The following MDN1 variants were observed in gnomAD, a reference collection of about 807,000 sequenced individuals.
MDN1 encodes midasin AAA ATPase 1.
MDN1 carries 266 observed loss-of-function variants against 669.2 expected under a neutral mutation model. The observed-to-expected ratio is 0.40, with a 90% confidence interval of 0.36 to 0.44. The LOEUF (loss-of-function observed/expected upper bound fraction) is 0.44, where lower values mean the gene tolerates loss of function less well. Among genes scored for constraint, MDN1 ranks in the 20% least tolerant of loss-of-function variants. The probability of loss-of-function intolerance (pLI) is 1.00; values close to 1 mark genes in which losing one functional copy is unlikely to be tolerated. For missense variants in MDN1, 5,940 were observed against 6,754.0 expected, an observed-to-expected ratio of 0.88 and a Z score of 4.22; for synonymous variants, 2,385 against 2,457.1, an observed-to-expected ratio of 0.97 and a Z score of 0.87.
Position 89,661,424 on chromosome 6 carries a change from G to A in MDN1, c.14713+7C>T. The A allele has an allele frequency of 6.2e-7, 1 of 1,608,890 alleles. No individual in the cohort carries two copies. Among genetic ancestry groups the A allele is most frequent in the Non-Finnish European group, 8.5e-7 (1 of 1,178,416 alleles). ...CTAACCGGTCTCTTTGTTTCTGAAAGACGCACCTTCTCCTTCTTCATTGTC... is the reference window on the plus strand; with the variant it reads ...CTAACCGGTCTCTTTGTTTCTGAAAAACGCACCTTCTCCTTCTTCATTGTC... On this transcript the variant is annotated splice_region_variant and intron_variant, in intron 88 of 101. Coordinates refer to ENST00000369393, the MANE Select transcript of MDN1 (RefSeq NM_014611.3).
Position 89,668,098 on chromosome 6 carries a change from A to T in MDN1, c.14010T>A (p.Thr4670=). 6.2e-7 allele frequency: 1 copy of T among 1,614,146 alleles called. No homozygotes were observed. The highest frequency in any genetic ancestry group is 8.5e-7 in the Non-Finnish European group (1 of 1,179,996). ...CACCTCCCTCATAGTCATGGAACTC[A>T]GTTGCTCCCTCTCCAGCTGAATCTT... ...FMEDSAGEGA[T]EFHDYEGGGI... The change falls in exon 84 of 102, where the codon ACT becomes ACA. Residue 4670 remains threonine, a synonymous_variant. Transcript: ENST00000369393.
chr6:89,744,887 A>G (rs1028870496), intron 29 of MDN1, among the ~76,000 whole-genome samples: 2 of 152,100 alleles, frequency 1.3e-5, no homozygotes, highest in African/African-American at 2.4e-5. Flanking sequence ...ATCTCCAAAA[A>G]TAATAATAAT....
rs150405510 is a variant in MDN1, at chr6:89,658,847, G to A, written c.14784C>T (p.Thr4928=). The stretch of plus-strand genomic sequence containing the variant: ...TCTGACTTTCGTTCTGGTCGGTCTC[G>A]GTCTCTCCTCTTTCCTCAGCTTCAT... ...AGHEAEERGE[T]ETDQNESQSP... The change falls in exon 89 of 102, where the codon ACC becomes ACT. Residue 4928 remains threonine, a synonymous_variant. Coordinates refer to ENST00000369393, the MANE Select transcript of MDN1 (RefSeq NM_014611.3). 494 of 1,613,894 alleles carry A rather than the reference G, an allele frequency of 3.1e-4. No individual in the cohort carries two copies. Among genetic ancestry groups the A allele is most frequent in the Non-Finnish European group, 4.1e-4 (479 of 1,180,008 alleles).
chr6:89,794,350 C>T, intron 3 of MDN1, 143 bp from the exon 4 acceptor site: 2 of 663,752 alleles, frequency 3.0e-6, no homozygotes, highest in Non-Finnish European at 5.1e-6. Context: ...AAATCAGGCA[C>T]AATGGATTTA....
At position 89,692,515 on chromosome 6, in the gene MDN1, G is replaced by A. The variant is rs1812437588; in HGVS notation, c.10515C>T (p.Tyr3505=). ...REQLLMNALL[Y]LRSHVLCKGE... ...CCTTGCATAACACGTGGGAGCGCAG[G>A]TAAAGGAGAGCATTCATCAGCAGCT... is the stretch of plus-strand genomic sequence containing the variant. Residue 3505 remains tyrosine, a synonymous_variant, in exon 63 of 102, where the codon TAC becomes TAT. Coordinates refer to ENST00000369393, the MANE Select transcript of MDN1 (RefSeq NM_014611.3). 6.2e-7 allele frequency: 1 copy of A among 1,614,248 alleles called. No homozygotes were observed. The highest frequency in any genetic ancestry group is 8.5e-7 in the Non-Finnish European group (1 of 1,180,046).
At chr6:89,677,531 T>C (rs1811281681) in intron 76 of MDN1, 39 bp downstream of exon 76, 1 of 1,610,640 alleles carries the variant, frequency 6.2e-7, no homozygotes, top group South Asian at 1.1e-5. Flanking sequence ...ACTTGCTCCA[T>C]TTATAAGTAG....
At chr6:89,716,443 A>G (rs1028073281) in intron 44 of MDN1, among the ~76,000 whole-genome samples, 10 of 152,250 alleles carry the variant, frequency 6.6e-5, no homozygotes, top group East Asian at 1.9e-4. Flanking sequence ...GCTGAAAATT[A>G]TCATACAGAG....
rs114549200 is a variant in MDN1 at position 89,706,016 on chromosome 6, T to C, written c.8148+43A>G. 809 of 1,506,530 alleles carry C rather than the reference T, an allele frequency of 5.4e-4. 4 individuals are homozygous for C. In the African/African-American group the frequency reaches 9.9e-3, roughly 19 times the overall value. 93.3% of individuals were successfully genotyped at this position (1,506,530 alleles called of 1,614,324 possible). A position where few individuals can be genotyped will look rare whatever the true frequency, so the allele number is the denominator to read the frequency against. The stretch of plus-strand genomic sequence containing the variant: ...CTAAGAATCTTTATGCCAAGAAAGA[T>C]AAATTTTGTTGTTTAAAAATAAAAC... On this transcript the variant is annotated intron_variant, in intron 53 of 101. Transcript: ENST00000369393.
intron 2 of MDN1, among the ~76,000 whole-genome samples, chr6:89,795,891 G>A (rs1327566357): frequency 6.6e-6 from 1 of 152,146 alleles, no homozygotes; most frequent in African/African-American, 2.4e-5. Flanking sequence ...GGAAGCGGAG[G>A]TTGCAGTGAG....
chr6:89,670,276 A>G (rs1198427787), intron 83 of MDN1, among the ~76,000 whole-genome samples: 4 of 147,054 alleles, frequency 2.7e-5, no homozygotes, highest in Admixed American at 1.4e-4. Flanking sequence ...CCGGGTTCAA[A>G]CAATTCTCCT....
chr6:89,661,920 T>C (rs752786928), intron 87 of MDN1, among the ~76,000 whole-genome samples, 167 bp downstream of exon 87: 5 of 152,222 alleles, frequency 3.3e-5, no homozygotes, highest in Non-Finnish European at 7.3e-5. Context: ...CCAACAGTTA[T>C]ATATTTTATG....
intron 32 of MDN1, among the ~76,000 whole-genome samples, chr6:89,738,687 C>T (rs1816132479): frequency 6.6e-6 from 1 of 152,154 alleles, no homozygotes; most frequent in African/African-American, 2.4e-5. Context: ...GTCCAGAGGC[C>T]TTACAGACTA....
chr6:89,732,525 C>T, intron 34 of MDN1, 32 bp downstream of exon 34: 1 of 1,600,638 alleles, frequency 6.2e-7, no homozygotes, highest in Non-Finnish European at 8.6e-7. Context: ...CTATACGAGC[C>T]CCTTGTCCCC....
In MDN1 at chr6:89,764,454, A is replaced by C. The variant is rs532980931; in HGVS notation, c.2145-1924T>G. Among the ~76,000 whole-genome samples, 9 of 152,256 alleles carry C rather than the reference A, an allele frequency of 5.9e-5. No homozygotes were observed. The South Asian group carries it at 1.9e-3, about 32-fold the overall frequency. ...ACCCTGTCTCTACAAAAAATATAAA[A>C]ATTAGCCAGGCATGCCAGTGTGCCC... On this transcript the variant is annotated intron_variant, in intron 15 of 101. Coordinates refer to ENST00000369393, the MANE Select transcript of MDN1 (RefSeq NM_014611.3).
At position 89,803,297 on chromosome 6, in the gene MDN1, G is replaced by A. The variant is rs763045904; in HGVS notation, c.329+31C>T. 8 of 1,587,110 alleles carry A rather than the reference G, an allele frequency of 5.0e-6. No homozygotes were observed. The African/African-American group carries it at 5.4e-5, about 11-fold the overall frequency. ...AGACAGCAGGTTCTATCACCTCAAGGAGAAATGCGAATAATAAAATTGCTA... is the reference window on the plus strand; with the variant it reads ...AGACAGCAGGTTCTATCACCTCAAGAAGAAATGCGAATAATAAAATTGCTA... On this transcript the variant is annotated intron_variant, in intron 2 of 101. Coordinates refer to ENST00000369393, the MANE Select transcript of MDN1 (RefSeq NM_014611.3).
At chr6:89,803,890 C>CTTTTT (rs370234875) in intron 1 of MDN1, among the ~76,000 whole-genome samples, 1 of 93,224 alleles carries the variant, frequency 1.1e-5, no homozygotes, top group African/African-American at 4.1e-5. Flanking sequence ...CTTTTCTTTT[C>CTTTTT]TTTTCTTTTT....
In MDN1 at chr6:89,682,568, C is replaced by T. The variant is rs537050328; in HGVS notation, c.12102+564G>A. Reference sequence around the variant, plus strand: ...CTAAAAATACAAAAAATTAGCCAGGCGTGGTGGTGGGCACCTGCAGTCCCA... The same window carrying T: ...CTAAAAATACAAAAAATTAGCCAGGTGTGGTGGTGGGCACCTGCAGTCCCA... On this transcript the variant is annotated intron_variant, in intron 73 of 101. Transcript: ENST00000369393. 1.9e-3 allele frequency among the ~76,000 whole-genome samples: 295 copies of T among 151,586 alleles called. 1 individual carries two copies. Among genetic ancestry groups the T allele is most frequent in the Admixed American group, 4.7e-3 (71 of 15,208 alleles).
intron 7 of MDN1, among the ~76,000 whole-genome samples, chr6:89,788,464 T>C (rs1056608641): frequency 9.2e-5 from 14 of 152,180 alleles, no homozygotes; most frequent in Non-Finnish European, 1.2e-4. Flanking sequence ...CAGGCAGAAG[T>C]ATGCAAGTGT....
chr6:89,673,171 C>A, intron 80 of MDN1, 65 bp downstream of exon 80: 2 of 1,364,778 alleles, frequency 1.5e-6, no homozygotes, highest in Non-Finnish European at 2.1e-6. Context: ...GACAATGAGA[C>A]TTACATCTAT....
Sources: gnomAD v4.1 joint callset for allele counts (sites outside exome capture counted in the v4.1 genomes callset) on GRCh38, gnomAD v4.1.1 for gene constraint, MANE v1.5 for transcripts, NCBI Gene and HGNC (gene_info 2026-07-23, HGNC 2026-07-21) for gene names.